Variants in CNTN6 observed in about 807,000 individuals in gnomAD.
The protein encoded by CNTN6 is contactin-6.
A neutral mutation model predicts 122.8 loss-of-function variants in CNTN6; 137 were observed. The observed-to-expected ratio is 1.12, with a 90% CI of 0.97 to 1.29. The LOEUF is 1.29. CNTN6 is among the 50% of genes most tolerant of loss of function. The probability of loss-of-function intolerance (pLI) is 0.00; values close to 1 mark genes in which losing one functional copy is unlikely to be tolerated. For synonymous variants in CNTN6, 570 were observed against 426.0 expected (o/e 1.34, Z -4.16); for missense variants, 1,634 against 1,223.4 (o/e 1.34, Z -5.01).
At chr3:1,207,297 A>G (rs1310676227) in intron 2 of CNTN6, among the ~76,000 whole-genome samples, 1 of 152,108 alleles carries the variant, frequency 6.6e-6, no homozygotes, top group Non-Finnish European at 1.5e-5. Context: ...ATTTTTCTCC[A>G]ACATATTACA....
At chr3:1,278,625 C>T (rs1445043018) in intron 5 of CNTN6, 117 bp downstream of exon 5, 10 of 606,464 alleles carry the variant, frequency 1.6e-5, no homozygotes, top group African/African-American at 7.3e-5. Context: ...TTGTGACTCT[C>T]GTCAAGTGCA....
At chr3:1,321,512 C>T in intron 7 of CNTN6, 138 bp from the exon 8 acceptor site, 1 of 744,182 alleles carries the variant, frequency 1.3e-6, no homozygotes, top group Non-Finnish European at 2.2e-6. Flanking sequence ...CGAATGATTG[C>T]ATGATCTGAA....
chr3:1,338,096 G>A (rs947822506), intron 11 of CNTN6, among the ~76,000 whole-genome samples: 1 of 152,120 alleles, frequency 6.6e-6, no homozygotes, highest in African/African-American at 2.4e-5. Context: ...TATTACTGCT[G>A]TAGTCCCTCT....
rs2092950024 is a variant in CNTN6, at chr3:1,155,828, TTCTC to T, written c.55+7769_55+7772del. 5.3e-5 allele frequency among the ~76,000 whole-genome samples: 8 copies of T among 152,322 alleles called. No homozygotes were observed. The South Asian group carries it at 1.5e-3, about 28-fold the overall frequency. ...GACATTTGTACCAGCCTCCTACAGT[TTCTC>T]TCTATTTTGAGGCATCCTCTGTGTC... On this transcript the variant is annotated intron_variant, in intron 2 of 22. Transcript: ENST00000446702.
chr3:1,288,582 A>C (rs1429265937), intron 5 of CNTN6, among the ~76,000 whole-genome samples: 3 of 152,286 alleles, frequency 2.0e-5, no homozygotes, highest in Admixed American at 6.5e-5. Flanking sequence ...CTATACTTCA[A>C]GTTCTTTATT....
chr3:1,138,480 A>T (rs531378177), intron 1 of CNTN6, among the ~76,000 whole-genome samples: 92 of 152,140 alleles, frequency 6.0e-4, no homozygotes, highest in South Asian at 4.1e-3. Flanking sequence ...ATTAAATACC[A>T]TCTTTATTTA....
At position 1,161,115 on chromosome 3, in the gene CNTN6, C is replaced by A. The variant is rs1310532800; in HGVS notation, c.55+13052C>A. Among the ~76,000 whole-genome samples the A allele has an allele frequency of 2.0e-5, 3 of 151,920 alleles. 1 individual carries two copies. The highest frequency in any genetic ancestry group is 7.3e-5 in the African/African-American group (3 of 41,364). The stretch of plus-strand genomic sequence containing the variant: ...GGAAATCACTCATGGGTAGTATTTA[C>A]ACCACAGCAACTGGCAAAAGCTACA... On this transcript the variant is annotated intron_variant, in intron 2 of 22. Transcript: ENST00000446702.
intron 9 of CNTN6, among the ~76,000 whole-genome samples, chr3:1,327,189 A>G (rs1701656601): frequency 6.6e-6 from 1 of 151,940 alleles, no homozygotes; most frequent in African/African-American, 2.4e-5. Context: ...TGTATACCAA[A>G]TAACAGAAAG....
chr3:1,249,412 T>A (rs1333074304), intron 4 of CNTN6, among the ~76,000 whole-genome samples: 1 of 152,192 alleles, frequency 6.6e-6, no homozygotes, highest in African/African-American at 2.4e-5. Context: ...ACTCACTTTT[T>A]AAAAAAGGAA....
chr3:1,395,562 C>T (rs369828309), intron 20 of CNTN6, among the ~76,000 whole-genome samples: 3 of 150,950 alleles, frequency 2.0e-5, no homozygotes, highest in East Asian at 3.9e-4. Flanking sequence ...CTCTAACTCT[C>T]ACTTTCTTGC....
At chr3:1,343,368 A>G (rs896409279) in intron 11 of CNTN6, among the ~76,000 whole-genome samples, 2 of 152,144 alleles carry the variant, frequency 1.3e-5, no homozygotes, top group African/African-American at 4.8e-5. Context: ...CTTTGCATCA[A>G]CTTTTGTACT....
intron 1 of CNTN6, among the ~76,000 whole-genome samples, chr3:1,126,733 G>A (rs1332516887): frequency 6.6e-6 from 1 of 151,858 alleles, no homozygotes; most frequent in Non-Finnish European, 1.5e-5. Flanking sequence ...TGGAAACAAT[G>A]TCTTGAGCCA....
At chr3:1,099,267 C>A (rs574306265) in intron 1 of CNTN6, among the ~76,000 whole-genome samples, 1 of 151,806 alleles carries the variant, frequency 6.6e-6, no homozygotes, top group African/African-American at 2.4e-5. Flanking sequence ...CTGGCTAACA[C>A]GGTGAAACCC....
chr3:1,253,097 G>A (rs764874474), intron 4 of CNTN6, among the ~76,000 whole-genome samples: 2 of 151,936 alleles, frequency 1.3e-5, no homozygotes, highest in African/African-American at 2.4e-5. Flanking sequence ...CTTTTATTTT[G>A]CCAGCAGGCA....
At chr3:1,387,394 T>C (rs944438237) in intron 20 of CNTN6, among the ~76,000 whole-genome samples, 2 of 152,236 alleles carry the variant, frequency 1.3e-5, no homozygotes. Context: ...GCCAGATAAC[T>C]TGGATGTATG....
chr3:1,325,294 G>A (rs1701375490), intron 8 of CNTN6, among the ~76,000 whole-genome samples: 1 of 151,644 alleles, frequency 6.6e-6, no homozygotes, highest in African/African-American at 2.4e-5. Context: ...TTTTATCTAG[G>A]AAAAAAGAAT....
chr3:1,383,996 C>T (rs1311452149), intron 19 of CNTN6, among the ~76,000 whole-genome samples: 1 of 150,034 alleles, frequency 6.7e-6, no homozygotes, highest in Admixed American at 6.6e-5. Flanking sequence ...AGTCTTCAAT[C>T]TGGTCCACAG....
At chr3:1,275,393 A>T (rs1398853264) in intron 4 of CNTN6, among the ~76,000 whole-genome samples, 1 of 152,178 alleles carries the variant, frequency 6.6e-6, no homozygotes, top group Non-Finnish European at 1.5e-5. Context: ...AAGATCACAT[A>T]TGACCAACAT....
chr3:1,317,977 A>G (rs534290629), intron 7 of CNTN6, among the ~76,000 whole-genome samples: 1 of 151,818 alleles, frequency 6.6e-6, no homozygotes, highest in African/African-American at 2.4e-5. Flanking sequence ...ATGGAACAAT[A>G]TAACTTTTAA....
Sources: allele counts gnomAD v4.1 joint callset (sites outside exome capture counted in the v4.1 genomes callset), GRCh38; gene constraint gnomAD v4.1.1; transcripts MANE v1.5; gene names NCBI Gene and HGNC (gene_info 2026-07-23, HGNC 2026-07-21).